THSD4: variants seen among roughly 807,000 people sequenced by gnomAD.
THSD4 encodes thrombospondin type-1 domain-containing protein 4.
A neutral mutation model predicts 119.0 loss-of-function variants in THSD4; 69 were observed. That is an observed-to-expected ratio of 0.58 (90% CI 0.48 to 0.71). The LOEUF (loss-of-function observed/expected upper bound fraction) is 0.71. THSD4 is among the 30% of genes least tolerant of loss of function. THSD4 has a pLI of 0.00. For synonymous variants in THSD4, 524 were observed against 540.4 expected (o/e 0.97, Z 0.42); for missense variants, 1,393 against 1,391.1 (o/e 1.00, Z -0.02).
intron 7 of THSD4, among the ~76,000 whole-genome samples, chr15:71,538,561 GT>G (rs1229545059): frequency 6.6e-6 from 1 of 152,198 alleles, no homozygotes; most frequent in Non-Finnish European, 1.5e-5. Context: ...TTGAATTAAG[GT>G]TTTCTAGACA....
In THSD4 at chr15:71,777,551, A is replaced by G; in HGVS notation, c.*177A>G. 1 of 790,258 alleles carries G rather than the reference A, an allele frequency of 1.3e-6. No individual in the cohort carries two copies. Among genetic ancestry groups the G allele is most frequent in the Non-Finnish European group, 2.0e-6 (1 of 509,980 alleles). The allele number at this position is 790,258 out of a possible 1,614,324, so 49.0% of individuals were successfully genotyped here. A position where few individuals can be genotyped will look rare whatever the true frequency, so the allele number is the denominator to read the frequency against. On this transcript the variant is annotated 3_prime_UTR_variant, in exon 18 of 18. Transcript: ENST00000261862. ...GTGGTACCCAGGGGCTTTTTACACA[A>G]GATGTTTGAAAGCCACAGTCAGTCC... is the stretch of plus-strand genomic sequence containing the variant.
At chr15:71,393,200 T>C (rs1413492952) in intron 6 of THSD4, among the ~76,000 whole-genome samples, 1 of 150,454 alleles carries the variant, frequency 6.6e-6, no homozygotes, top group Non-Finnish European at 1.5e-5. Flanking sequence ...GTTTGGTAAA[T>C]AGTGGTGGAG....
chr15:71,513,545 T>G (rs761517364), intron 7 of THSD4, among the ~76,000 whole-genome samples: 2 of 152,146 alleles, frequency 1.3e-5, no homozygotes, highest in Non-Finnish European at 2.9e-5. Context: ...AACGAAAACC[T>G]CCTTGCAGAA....
intron 8 of THSD4, among the ~76,000 whole-genome samples, chr15:71,727,591 C>CAA (rs2052884044): frequency 1.0e-4 from 1 of 9,956 alleles, no homozygotes; most frequent in African/African-American, 2.2e-4. Context: ...TATATATACA[C>CAA]ACACACACAC....
At chr15:71,303,960 C>T (rs755461493) in intron 6 of THSD4, among the ~76,000 whole-genome samples, 1 of 152,140 alleles carries the variant, frequency 6.6e-6, no homozygotes, top group Non-Finnish European at 1.5e-5. Flanking sequence ...TTTCTCTGGT[C>T]CACTCTGGCT....
chr15:71,700,877 G>C (rs2052274367), intron 8 of THSD4, among the ~76,000 whole-genome samples: 2 of 151,780 alleles, frequency 1.3e-5, no homozygotes, highest in African/African-American at 4.8e-5. Context: ...TATATACCAA[G>C]ATAAAAACTA....
At chr15:71,164,787 C>A in intron 3 of THSD4, 10 of 1,589,720 alleles carry the variant, frequency 6.3e-6, no homozygotes, top group East Asian at 2.3e-5. Flanking sequence ...TCATCATCAT[C>A]TTCTTCTTCA....
intron 17 of THSD4, among the ~76,000 whole-genome samples, chr15:71,772,534 T>C (rs980893596): frequency 5.3e-4 from 80 of 152,158 alleles, no homozygotes; most frequent in African/African-American, 1.8e-3. Context: ...ACTATAAAGG[T>C]GATAAAAGAA....
intron 1 of THSD4, among the ~76,000 whole-genome samples, chr15:71,130,255 G>A (rs35684013): frequency 0.12 from 17,646 of 151,952 alleles, 1,181 homozygotes; most frequent in East Asian, 0.34. Context: ...GCATAGTCTC[G>A]GTTCATTGCA....
At chr15:71,483,899 CA>C in intron 7 of THSD4, among the ~76,000 whole-genome samples, 1 of 152,116 alleles carries the variant, frequency 6.6e-6, no homozygotes, top group East Asian at 1.9e-4. Context: ...CCTCCAGCTC[CA>C]TGTGTGTCCC....
chr15:71,112,824 G>C (rs2040316620), upstream of THSD4, among the ~76,000 whole-genome samples: 1 of 152,230 alleles, frequency 6.6e-6, no homozygotes, highest in Non-Finnish European at 1.5e-5. Context: ...ATTAAAACTT[G>C]CTGTCTTAGC....
At chr15:71,603,085 T>G (rs2050044104) in intron 7 of THSD4, among the ~76,000 whole-genome samples, 1 of 152,212 alleles carries the variant, frequency 6.6e-6, no homozygotes. Flanking sequence ...TACAAACTTT[T>G]GGTCAAAGAA....
chr15:71,659,215 A>T (rs1302069103), intron 7 of THSD4, among the ~76,000 whole-genome samples: 1 of 152,180 alleles, frequency 6.6e-6, no homozygotes, highest in African/African-American at 2.4e-5. Flanking sequence ...CCAGTGAATA[A>T]TCCTGTACTC....
intron 7 of THSD4, among the ~76,000 whole-genome samples, chr15:71,636,721 G>C (rs1422690325): frequency 2.6e-5 from 4 of 152,000 alleles, no homozygotes; most frequent in Non-Finnish European, 4.4e-5. Context: ...GCCTGCAGCT[G>C]TGCCTTTGAC....
intron 7 of THSD4, among the ~76,000 whole-genome samples, chr15:71,518,550 G>A (rs947737795): frequency 2.6e-5 from 4 of 152,140 alleles, no homozygotes; most frequent in Non-Finnish European, 5.9e-5. Flanking sequence ...TTATCCTCTG[G>A]ATAATAATAA....
chr15:71,373,482 A>G (rs1442006944), intron 6 of THSD4, among the ~76,000 whole-genome samples: 1 of 152,228 alleles, frequency 6.6e-6, no homozygotes, highest in African/African-American at 2.4e-5. Context: ...AAACAAAGAC[A>G]TTTTGGAGGT....
intron 3 of THSD4, among the ~76,000 whole-genome samples, chr15:71,201,478 G>A (rs535427179): frequency 2.0e-5 from 3 of 152,356 alleles, no homozygotes; most frequent in African/African-American, 7.2e-5. Flanking sequence ...AACTGGTACT[G>A]CCTGTAACGT....
chr15:71,540,612 A>G (rs997617175), intron 7 of THSD4, among the ~76,000 whole-genome samples: 26 of 135,808 alleles, frequency 1.9e-4, no homozygotes, highest in Non-Finnish European at 3.4e-4. Context: ...TATTTTTAGT[A>G]GAGATGGGGT....
At chr15:71,407,381 G>A (rs938784946) in intron 6 of THSD4, among the ~76,000 whole-genome samples, 1 of 151,940 alleles carries the variant, frequency 6.6e-6, no homozygotes, top group African/African-American at 2.4e-5. Context: ...TCTGCTTTCC[G>A]GTTTCCTAAA....
Sources: gnomAD v4.1 joint callset for allele counts (sites outside exome capture counted in the v4.1 genomes callset) on GRCh38, gnomAD v4.1.1 for gene constraint, MANE v1.5 for transcripts, NCBI Gene and HGNC (gene_info 2026-07-23, HGNC 2026-07-21) for gene names.